The following NKAIN3 variants were observed in gnomAD, a reference collection of about 807,000 sequenced individuals.
NKAIN3 encodes the protein sodium/potassium transporting ATPase interacting 3, also known as sodium/potassium-transporting ATPase subunit beta-1-interacting protein 3.
Under a neutral mutation model 30.2 loss-of-function variants are expected in NKAIN3, and 25 were observed. The observed-to-expected ratio is 0.83, with a 90% CI of 0.60 to 1.16. The LOEUF (loss-of-function observed/expected upper bound fraction) is 1.16, where lower values mean the gene tolerates loss of function less well. Among genes scored for constraint, NKAIN3 ranks in the 50% most tolerant of loss-of-function variants. The probability of loss-of-function intolerance (pLI) is 0.00; values close to 1 mark genes in which losing one functional copy is unlikely to be tolerated. For missense variants in NKAIN3, 225 were observed against 254.1 expected, an observed-to-expected ratio of 0.89 and a Z score of 0.78; for synonymous variants, 91 against 89.6, an observed-to-expected ratio of 1.02 and a Z score of -0.09.
intron 4 of NKAIN3, among the ~76,000 whole-genome samples, chr8:62,869,366 C>T (rs1388276741): frequency 2.6e-5 from 4 of 152,176 alleles, no homozygotes; most frequent in Non-Finnish European, 5.9e-5. Flanking sequence ...TGATGTTCCC[C>T]TCCCGGGGTC....
rs569276327 is a variant in NKAIN3 at position 62,605,142 on chromosome 8, GT to G, written c.273+15350del. 7.9e-5 allele frequency among the ~76,000 whole-genome samples: 12 copies of G among 152,174 alleles called. No homozygotes were observed. In the South Asian group the frequency reaches 2.5e-3, roughly 32 times the overall value. On this transcript the variant is annotated intron_variant, in intron 3 of 6. Transcript: ENST00000623646. Reference sequence around the variant, plus strand: ...TTAGTGACTTAAAGAATACAAATATGTTCTTGCATTTCTTCTGTGGGTCAGA... The same window carrying G: ...TTAGTGACTTAAAGAATACAAATATGTCTTGCATTTCTTCTGTGGGTCAGA...
chr8:62,511,263 C>T (rs998322503), intron 1 of NKAIN3, among the ~76,000 whole-genome samples: 5 of 152,122 alleles, frequency 3.3e-5, no homozygotes, highest in Admixed American at 6.5e-5. Context: ...TACCGCCTTC[C>T]GCGGGGTTCC....
chr8:62,993,173 G>T (rs1211202144), intron 5 of NKAIN3, among the ~76,000 whole-genome samples: 1 of 152,062 alleles, frequency 6.6e-6, no homozygotes, highest in African/African-American at 2.4e-5. Flanking sequence ...CATTCCTCAG[G>T]CCAGAACATA....
chr8:62,509,025 T>C (rs1483224990), intron 1 of NKAIN3, among the ~76,000 whole-genome samples: 1 of 152,150 alleles, frequency 6.6e-6, no homozygotes, highest in Non-Finnish European at 1.5e-5. Flanking sequence ...AGTGAGAAGG[T>C]CACTTTCTCT....
intron 1 of NKAIN3, among the ~76,000 whole-genome samples, chr8:62,410,088 C>A (rs1804194504): frequency 6.6e-6 from 1 of 151,512 alleles, no homozygotes; most frequent in South Asian, 2.1e-4. Flanking sequence ...AATTTTGGGA[C>A]CCCCTCCTCC....
chr8:62,662,247 T>G (rs1812969286), intron 3 of NKAIN3, among the ~76,000 whole-genome samples: 1 of 152,228 alleles, frequency 6.6e-6, no homozygotes, highest in African/African-American at 2.4e-5. Flanking sequence ...CTGAGGTCTC[T>G]GCAAAATGCA....
downstream of NKAIN3, among the ~76,000 whole-genome samples, chr8:62,989,364 G>A (rs1824270084): frequency 6.6e-6 from 1 of 152,156 alleles, no homozygotes; most frequent in South Asian, 2.1e-4. Flanking sequence ...TGTACTCACA[G>A]TTCCATATGG....
rs565504012 is a variant in NKAIN3, at chr8:62,981,664, C to A, written c.*16257C>A. 6.6e-5 allele frequency: 10 copies of A among 151,730 alleles called. No homozygotes were observed. Among genetic ancestry groups the A allele is most frequent in the African/African-American group, 1.9e-4 (8 of 41,366 alleles). 9.4% of individuals were successfully genotyped at this position (151,730 alleles called of 1,614,324 possible). On this transcript the variant is annotated 3_prime_UTR_variant, in exon 7 of 7. Transcript: ENST00000623646. Reference sequence around the variant, plus strand: ...AAAATGGTATTCTCAGGTGAGCTTACCTTTCAAATTTTTCTGAGACTTCCT... The same window carrying A: ...AAAATGGTATTCTCAGGTGAGCTTAACTTTCAAATTTTTCTGAGACTTCCT...
chr8:62,285,525 G>A (rs1041732120), intron 1 of NKAIN3, among the ~76,000 whole-genome samples: 1 of 152,092 alleles, frequency 6.6e-6, no homozygotes, highest in African/African-American at 2.4e-5. Flanking sequence ...CCTGCCCTGG[G>A]TTTCATTGTG....
intron 4 of NKAIN3, among the ~76,000 whole-genome samples, chr8:62,897,076 A>T (rs534960617): frequency 7.2e-5 from 11 of 152,244 alleles, no homozygotes; most frequent in African/African-American, 2.2e-4. Context: ...CAAAGGACAT[A>T]CTGGAGACAA....
intron 4 of NKAIN3, among the ~76,000 whole-genome samples, chr8:62,845,181 T>C (rs2130765210): frequency 6.6e-6 from 1 of 151,270 alleles, no homozygotes; most frequent in South Asian, 2.1e-4. Flanking sequence ...TTAGGGATGC[T>C]TTCAATGCTT....
At chr8:62,378,296 T>C (rs535144155) in intron 1 of NKAIN3, among the ~76,000 whole-genome samples, 1 of 152,174 alleles carries the variant, frequency 6.6e-6, no homozygotes, top group East Asian at 1.9e-4. Flanking sequence ...ATTCAAGAGG[T>C]GACAGATCAT....
intron 3 of NKAIN3, among the ~76,000 whole-genome samples, chr8:62,686,368 AT>A (rs771885481): frequency 8.9e-4 from 135 of 151,656 alleles, no homozygotes; most frequent in Non-Finnish European, 1.5e-3. Flanking sequence ...TCTTTCACCC[AT>A]TTTCCCAATT....
At chr8:62,855,467 T>G in intron 4 of NKAIN3, 6 of 1,312,776 alleles carry the variant, frequency 4.6e-6, no homozygotes, top group South Asian at 1.2e-5. Flanking sequence ...GCTTCCAAAA[T>G]CTTCATTATT....
chr8:62,854,243 C>G (rs1819996656), intron 4 of NKAIN3, among the ~76,000 whole-genome samples: 1 of 152,144 alleles, frequency 6.6e-6, no homozygotes, highest in Non-Finnish European at 1.5e-5. Context: ...AGTTCAGGCC[C>G]TGAATATCTT....
intron 3 of NKAIN3, among the ~76,000 whole-genome samples, chr8:62,725,803 T>C (rs1815239221): frequency 6.6e-6 from 1 of 152,088 alleles, no homozygotes; most frequent in African/African-American, 2.4e-5. Flanking sequence ...GCTCTTTCTG[T>C]TCAGGATAGC....
intron 1 of NKAIN3, 61 bp from the exon 2 acceptor site, chr8:62,579,478 G>T (rs528921235): frequency 2.9e-6 from 4 of 1,400,452 alleles, no homozygotes; most frequent in Non-Finnish European, 3.8e-6. Context: ...ATGAGATAAA[G>T]ATTAAAATAG....
At chr8:62,424,778 G>A (rs539139141) in intron 1 of NKAIN3, among the ~76,000 whole-genome samples, 5 of 151,968 alleles carry the variant, frequency 3.3e-5, no homozygotes, top group African/African-American at 1.2e-4. Flanking sequence ...GTATGATCCA[G>A]CAATACCACT....
At chr8:62,875,320 A>C (rs1344222866) in intron 4 of NKAIN3, among the ~76,000 whole-genome samples, 3 of 152,162 alleles carry the variant, frequency 2.0e-5, no homozygotes, top group Non-Finnish European at 4.4e-5. Context: ...TCAAGGAAAT[A>C]AGAGAGGACA....
Sources: gnomAD v4.1 joint callset for allele counts (sites outside exome capture counted in the v4.1 genomes callset) on GRCh38, gnomAD v4.1.1 for gene constraint, MANE v1.5 for transcripts, NCBI Gene and HGNC (gene_info 2026-07-23, HGNC 2026-07-21) for gene names.